NUP205: variants seen among roughly 807,000 people sequenced by gnomAD.
The protein encoded by NUP205 is nuclear pore complex protein Nup205.
A neutral mutation model predicts 253.8 loss-of-function variants in NUP205; 76 were observed. The ratio of observed to expected loss-of-function variants is 0.30; its 90% CI spans 0.25 to 0.36. The LOEUF is 0.36. Ranked by LOEUF, NUP205 falls within the 10% of genes least tolerant of loss-of-function variation. The probability of loss-of-function intolerance (pLI) is 1.00; values close to 1 mark genes in which losing one functional copy is unlikely to be tolerated. For synonymous variants in NUP205, 832 were observed against 850.1 expected (o/e 0.98, Z 0.37); for missense variants, 2,162 against 2,425.5 (o/e 0.89, Z 2.28).
intron 32 of NUP205, 95 bp from the exon 33 acceptor site, chr7:135,626,145 A>G (rs942615037): frequency 2.8e-6 from 4 of 1,448,654 alleles, no homozygotes; most frequent in Non-Finnish European, 3.8e-6. Flanking sequence ...AGTGATAACT[A>G]AGGATGAGAA....
chr7:135,592,611 G>A (rs1156530705), intron 11 of NUP205, among the ~76,000 whole-genome samples: 1 of 152,218 alleles, frequency 6.6e-6, no homozygotes, highest in Non-Finnish European at 1.5e-5. Context: ...TTTAGGCTGG[G>A]TGCAGTGGCT....
At chr7:135,594,329 A>G (rs1260867780) in intron 12 of NUP205, among the ~76,000 whole-genome samples, 1 of 152,186 alleles carries the variant, frequency 6.6e-6, no homozygotes, top group Non-Finnish European at 1.5e-5. Context: ...AAGTAATTCT[A>G]CAAAGTCTAT....
chr7:135,643,920 T>C (rs879262999), intron 39 of NUP205, among the ~76,000 whole-genome samples: 4 of 152,238 alleles, frequency 2.6e-5, no homozygotes, highest in Non-Finnish European at 5.9e-5. Flanking sequence ...AAGGCAGTGC[T>C]GAAGCTTCCT....
intron 37 of NUP205, 104 bp downstream of exon 37, chr7:135,638,163 A>G (rs934842178): frequency 3.4e-5 from 43 of 1,260,108 alleles, no homozygotes; most frequent in Admixed American, 4.4e-5. Flanking sequence ...TAATCCCAGC[A>G]CTTTGGGAGG....
chr7:135,587,413 A>C (rs1806497078), intron 8 of NUP205, among the ~76,000 whole-genome samples, 162 bp from the exon 9 acceptor site: 1 of 152,230 alleles, frequency 6.6e-6, no homozygotes, highest in Non-Finnish European at 1.5e-5. Flanking sequence ...GTAATATTGC[A>C]AATAAGATTC....
Position 135,648,724 on chromosome 7 carries a change from A to G in NUP205, c.*168A>G, listed in dbSNP as rs1277712674. 3.6e-5 allele frequency: 15 copies of G among 412,968 alleles called. No homozygotes were observed. The Admixed American group carries it at 6.6e-4, about 18-fold the overall frequency. 25.6% of individuals were successfully genotyped at this position (412,968 alleles called of 1,614,324 possible). A position where few individuals can be genotyped will look rare whatever the true frequency, so the allele number is the denominator to read the frequency against. On this transcript the variant is annotated 3_prime_UTR_variant, in exon 43 of 43. Coordinates refer to ENST00000285968, the MANE Select transcript of NUP205 (RefSeq NM_015135.3). ...TTCCCCTAGTTCCATCCTCACTAGT[A>G]AAAAATAAATACTTTTTAAAAAAAC... is the stretch of plus-strand genomic sequence containing the variant.
chr7:135,605,642 G>A (rs1387391869), intron 19 of NUP205, among the ~76,000 whole-genome samples: 1 of 152,138 alleles, frequency 6.6e-6, no homozygotes, highest in Non-Finnish European at 1.5e-5. Context: ...GGTTTTTGAT[G>A]TGCTGATTTT....
intron 33 of NUP205, 45 bp from the exon 34 acceptor site, chr7:135,627,928 T>C: frequency 6.2e-7 from 1 of 1,604,066 alleles, no homozygotes; most frequent in African/African-American, 1.3e-5. Flanking sequence ...GCCGAGAGTA[T>C]ACCTTAATTC....
intron 13 of NUP205, among the ~76,000 whole-genome samples, chr7:135,595,306 C>G (rs1318716918): frequency 6.6e-6 from 1 of 151,944 alleles, no homozygotes; most frequent in African/African-American, 2.4e-5. Context: ...TCACTGTAGC[C>G]TCCACCTCCC....
intron 10 of NUP205, among the ~76,000 whole-genome samples, 169 bp from the exon 11 acceptor site, chr7:135,591,281 T>A (rs1347537244): frequency 6.6e-6 from 1 of 152,272 alleles, no homozygotes; most frequent in Non-Finnish European, 1.5e-5. Flanking sequence ...AAATTGCTAA[T>A]GACAAGCTTA....
intron 34 of NUP205, among the ~76,000 whole-genome samples, chr7:135,628,563 T>A (rs1794642080): frequency 6.6e-6 from 1 of 152,254 alleles, no homozygotes; most frequent in East Asian, 1.9e-4. Context: ...ATAATTTAAA[T>A]GAGTGATTTT....
intron 1 of NUP205, among the ~76,000 whole-genome samples, chr7:135,567,715 T>C (rs919371311): frequency 1.2e-4 from 18 of 152,218 alleles, no homozygotes; most frequent in African/African-American, 4.3e-4. Context: ...TCTTATATCC[T>C]GGTAACTTTA....
chr7:135,559,893 C>G (rs1284289260), intron 1 of NUP205, among the ~76,000 whole-genome samples: 1 of 149,406 alleles, frequency 6.7e-6, no homozygotes, highest in Non-Finnish European at 1.5e-5. Flanking sequence ...GAGTCTCACT[C>G]TGTTGCCCGG....
chr7:135,627,277 A>G (rs1794611676), intron 33 of NUP205, among the ~76,000 whole-genome samples: 1 of 152,216 alleles, frequency 6.6e-6, no homozygotes, highest in African/African-American at 2.4e-5. Flanking sequence ...CTACTCTGAA[A>G]GGTTAAGTGA....
chr7:135,578,938 T>C, intron 7 of NUP205, 23 bp downstream of exon 7: 4 of 1,561,390 alleles, frequency 2.6e-6, no homozygotes, highest in Non-Finnish European at 3.5e-6. Context: ...TAGGTAATTT[T>C]GTTATGAGAA....
intron 28 of NUP205, 54 bp downstream of exon 28, chr7:135,618,657 A>C: frequency 7.0e-7 from 1 of 1,431,718 alleles, no homozygotes; most frequent in Non-Finnish European, 9.4e-7. Flanking sequence ...TCATTTAAAC[A>C]AATATATTTT....
chr7:135,609,258 C>G (rs778490866), intron 22 of NUP205, among the ~76,000 whole-genome samples: 8 of 152,040 alleles, frequency 5.3e-5, no homozygotes, highest in South Asian at 2.1e-4. Context: ...GAAACCCCAT[C>G]TCTACTAAAA....
intron 1 of NUP205, among the ~76,000 whole-genome samples, chr7:135,570,196 A>T (rs1805916573): frequency 6.6e-6 from 1 of 151,578 alleles, no homozygotes; most frequent in Admixed American, 6.6e-5. Flanking sequence ...GTCAGGATTT[A>T]TTTTATTTAT....
intron 22 of NUP205, among the ~76,000 whole-genome samples, chr7:135,611,518 T>G (rs1794236842): frequency 6.6e-6 from 1 of 152,228 alleles, no homozygotes; most frequent in South Asian, 2.1e-4. Flanking sequence ...TTTCCTTGTC[T>G]TCTTTCTCTT....
Sources: gnomAD v4.1 joint callset for allele counts (sites outside exome capture counted in the v4.1 genomes callset) on GRCh38, gnomAD v4.1.1 for gene constraint, MANE v1.5 for transcripts, NCBI Gene and HGNC (gene_info 2026-07-23, HGNC 2026-07-21) for gene names.